The following PTPRD variants were observed in gnomAD, a reference collection of about 807,000 sequenced individuals.
PTPRD encodes the protein receptor-type tyrosine-protein phosphatase delta.
PTPRD carries 34 observed loss-of-function variants against 214.5 expected under a neutral mutation model. The observed-to-expected ratio is 0.16, with a 90% CI of 0.12 to 0.21. PTPRD has a LOEUF of 0.21. Ranked by LOEUF, PTPRD falls within the 10% of genes least tolerant of loss-of-function variation. PTPRD has a pLI of 1.00. For synonymous variants in PTPRD, 1,128 were observed against 845.7 expected (o/e 1.33, Z -5.79); for missense variants, 2,545 against 2,398.7 (o/e 1.06, Z -1.27).
intron 35 of PTPRD, among the ~76,000 whole-genome samples, chr9:8,416,995 G>C (rs150006581): frequency 3.0e-4 from 45 of 151,906 alleles, no homozygotes; most frequent in African/African-American, 9.9e-4. Flanking sequence ...CACTCTAATA[G>C]ATACGTAAAT....
intron 35 of PTPRD, among the ~76,000 whole-genome samples, chr9:8,418,240 T>A (rs1248134953): frequency 6.6e-6 from 1 of 151,886 alleles, no homozygotes; most frequent in African/African-American, 2.4e-5. Flanking sequence ...TTTTTGCTTC[T>A]AAATTCTACC....
chr9:8,431,625 G>A (rs976336013), intron 35 of PTPRD, among the ~76,000 whole-genome samples: 1 of 152,028 alleles, frequency 6.6e-6, no homozygotes, highest in African/African-American at 2.4e-5. Flanking sequence ...GAAGACTGGG[G>A]GTCATGTTCT....
chr9:9,117,236 G>T (rs200281876), intron 10 of PTPRD, among the ~76,000 whole-genome samples: 5,766 of 93,638 alleles, frequency 0.062, 182 homozygotes, highest in African/African-American at 0.13. Context: ...TTTTTTTTTT[G>T]TACTTTCAGG....
intron 10 of PTPRD, among the ~76,000 whole-genome samples, chr9:9,157,048 C>G (rs1035997803): frequency 6.6e-6 from 1 of 152,164 alleles, no homozygotes; most frequent in South Asian, 2.1e-4. Context: ...TGATATTTAT[C>G]TATTAATCTC....
chr9:9,613,122 GTATACATACATACATATATATA>G (rs1175839868), intron 7 of PTPRD, among the ~76,000 whole-genome samples: 26 of 68,126 alleles, frequency 3.8e-4, no homozygotes, highest in African/African-American at 2.2e-3. Context: ...CTAGGCTGCA[GTATACATACATACATATATATA>G]TATATATATA....
intron 2 of PTPRD, among the ~76,000 whole-genome samples, chr9:10,591,633 T>C (rs1489078614): frequency 1.3e-5 from 2 of 152,072 alleles, no homozygotes; most frequent in African/African-American, 2.4e-5. Flanking sequence ...GACTATTTAC[T>C]GTCCCAAGAA....
intron 2 of PTPRD, among the ~76,000 whole-genome samples, chr9:10,457,682 G>C (rs1040732552): frequency 6.6e-6 from 1 of 151,942 alleles, no homozygotes; most frequent in African/African-American, 2.4e-5. Context: ...AAGTAGCTGT[G>C]GCAATTTTTA....
chr9:9,901,695 A>G (rs1566134316), intron 5 of PTPRD, among the ~76,000 whole-genome samples: 1 of 152,172 alleles, frequency 6.6e-6, no homozygotes, highest in Non-Finnish European at 1.5e-5. Flanking sequence ...ATAAATAACT[A>G]CTTGAGATTG....
intron 3 of PTPRD, among the ~76,000 whole-genome samples, chr9:10,045,937 G>A (rs10958844): frequency 0.26 from 39,521 of 151,456 alleles, 5,485 homozygotes; most frequent in Middle Eastern, 0.32. Context: ...GGGGAAAATC[G>A]TCAATTAAAA....
At chr9:8,633,276 G>C (rs1366126789) in intron 14 of PTPRD, 41 bp downstream of exon 14, 2 of 1,596,334 alleles carry the variant, frequency 1.3e-6, no homozygotes, top group Non-Finnish European at 1.7e-6. Flanking sequence ...ATACAGAATT[G>C]TAACAATGAC....
At chr9:8,896,843 A>G (rs1190511147) in intron 11 of PTPRD, among the ~76,000 whole-genome samples, 4 of 152,174 alleles carry the variant, frequency 2.6e-5, no homozygotes, top group Non-Finnish European at 4.4e-5. Flanking sequence ...GTTATTTTTC[A>G]TCAGAAATGA....
At chr9:8,446,116 G>C (rs550085466) in intron 34 of PTPRD, among the ~76,000 whole-genome samples, 1 of 152,144 alleles carries the variant, frequency 6.6e-6, no homozygotes, top group Non-Finnish European at 1.5e-5. Context: ...AAAAAAGCAG[G>C]TTTCTCTGTC....
intron 11 of PTPRD, among the ~76,000 whole-genome samples, chr9:8,773,256 G>C (rs2095313248): frequency 6.6e-6 from 1 of 151,852 alleles, no homozygotes; most frequent in Admixed American, 6.6e-5. Context: ...TAGATCTCCA[G>C]AGCTCTTTCT....
chr9:8,531,548 T>G (rs2075696056), intron 14 of PTPRD, among the ~76,000 whole-genome samples: 1 of 152,058 alleles, frequency 6.6e-6, no homozygotes, highest in Non-Finnish European at 1.5e-5. Flanking sequence ...CTGAAAAAGC[T>G]CTTAGATTTT....
At chr9:8,617,087 G>C (rs150280470) in intron 14 of PTPRD, among the ~76,000 whole-genome samples, 2 of 152,094 alleles carry the variant, frequency 1.3e-5, no homozygotes, top group East Asian at 3.9e-4. Flanking sequence ...TCCCAATCTG[G>C]CTCTTCTATA....
intron 5 of PTPRD, among the ~76,000 whole-genome samples, chr9:9,921,413 C>T (rs1310119902): frequency 6.6e-6 from 1 of 151,808 alleles, no homozygotes; most frequent in African/African-American, 2.4e-5. Flanking sequence ...ACATGAATAG[C>T]AGTATCTCAA....
chr9:9,079,431 A>T (rs1050736126), intron 10 of PTPRD, among the ~76,000 whole-genome samples: 8 of 152,144 alleles, frequency 5.3e-5, no homozygotes, highest in African/African-American at 1.9e-4. Flanking sequence ...TGTTAATTCC[A>T]TATCTTGGCT....
intron 3 of PTPRD, among the ~76,000 whole-genome samples, chr9:10,177,826 A>C (rs1257413600): frequency 6.6e-6 from 1 of 151,974 alleles, no homozygotes; most frequent in Non-Finnish European, 1.5e-5. Flanking sequence ...TCAAGTCAGT[A>C]GTTCTCTTTA....
At chr9:9,695,885 T>G (rs886918433) in intron 7 of PTPRD, among the ~76,000 whole-genome samples, 11 of 152,158 alleles carry the variant, frequency 7.2e-5, no homozygotes, top group Admixed American at 2.0e-4. Flanking sequence ...CTTGTCTGGG[T>G]TTGGTATCAG....
Sources: gnomAD v4.1 joint callset for allele counts (sites outside exome capture counted in the v4.1 genomes callset) on GRCh38, gnomAD v4.1.1 for gene constraint, MANE v1.5 for transcripts, NCBI Gene and HGNC (gene_info 2026-07-23, HGNC 2026-07-21) for gene names.